Variants in ANKFN1 observed in about 807,000 individuals in gnomAD.
ANKFN1 encodes ankyrin repeat and fibronectin type-III domain-containing protein 1.
Under a neutral mutation model 108.7 loss-of-function variants are expected in ANKFN1, and 74 were observed. The ratio of observed to expected loss-of-function variants is 0.68; its 90% CI spans 0.56 to 0.83. ANKFN1 has a LOEUF of 0.83. Ranked by LOEUF, ANKFN1 falls within the 40% of genes least tolerant of loss-of-function variation. The pLI, the probability that ANKFN1 is intolerant of heterozygous loss-of-function variation, is 0.00. For synonymous variants in ANKFN1, 547 were observed against 516.2 expected (o/e 1.06, Z -0.81); for missense variants, 1,505 against 1,382.3 (o/e 1.09, Z -1.41).
intron 10 of ANKFN1, among the ~76,000 whole-genome samples, chr17:56,446,435 G>A (rs2145187927): frequency 6.6e-6 from 1 of 152,270 alleles, no homozygotes; most frequent in South Asian, 2.1e-4. Context: ...AATTCTGGGG[G>A]TGCTAAAAAT....
chr17:56,261,573 C>T (rs2043511601), intron 3 of ANKFN1, among the ~76,000 whole-genome samples: 2 of 151,860 alleles, frequency 1.3e-5, no homozygotes, highest in Non-Finnish European at 1.5e-5. Context: ...AGTAGGGAAG[C>T]CAACAGTGCA....
At chr17:56,293,983 TTC>T (rs755123441) in intron 3 of ANKFN1, among the ~76,000 whole-genome samples, 1 of 152,186 alleles carries the variant, frequency 6.6e-6, no homozygotes, top group Non-Finnish European at 1.5e-5. Flanking sequence ...ACCTGGCAGA[TTC>T]TCTCCGCAAA....
chr17:56,495,976 G>A (rs1331932609), intron 19 of ANKFN1, among the ~76,000 whole-genome samples: 1 of 152,082 alleles, frequency 6.6e-6, no homozygotes, highest in African/African-American at 2.4e-5. Context: ...AACAGACCTA[G>A]GGAATTCATG....
chr17:56,060,142 T>A (rs935989983), intron 4 of ANKFN1, among the ~76,000 whole-genome samples: 1 of 152,240 alleles, frequency 6.6e-6, no homozygotes, highest in Non-Finnish European at 1.5e-5. Flanking sequence ...AAGAGGTCCT[T>A]CACATTCCTT....
At chr17:56,277,113 A>T (rs1212637628) in intron 3 of ANKFN1, among the ~76,000 whole-genome samples, 1 of 152,240 alleles carries the variant, frequency 6.6e-6, no homozygotes, top group Non-Finnish European at 1.5e-5. Context: ...CCAAGCTCCC[A>T]CTACCATGTA....
intron 8 of ANKFN1, among the ~76,000 whole-genome samples, chr17:56,417,192 T>G (rs184649700): frequency 1.3e-5 from 2 of 152,248 alleles, no homozygotes; most frequent in Non-Finnish European, 2.9e-5. Flanking sequence ...TAATTTAATT[T>G]TATGTTTAAA....
chr17:56,127,212 T>C (rs952698262), intron 4 of ANKFN1, among the ~76,000 whole-genome samples: 4 of 152,200 alleles, frequency 2.6e-5, no homozygotes, highest in African/African-American at 7.2e-5. Flanking sequence ...ATAAGGAAAT[T>C]GAGGCTCAGG....
At chr17:56,498,097 C>T (rs1403912726) in intron 19 of ANKFN1, among the ~76,000 whole-genome samples, 1 of 151,818 alleles carries the variant, frequency 6.6e-6, no homozygotes, top group Non-Finnish European at 1.5e-5. Context: ...CTTTGATAAC[C>T]CAAAAATCAA....
intron 1 of ANKFN1, among the ~76,000 whole-genome samples, chr17:56,197,678 G>A (rs1454135094): frequency 4.6e-5 from 7 of 152,158 alleles, no homozygotes; most frequent in African/African-American, 7.2e-5. Flanking sequence ...CTCTGAAAAG[G>A]ACAAATCCCC....
intron 4 of ANKFN1, among the ~76,000 whole-genome samples, chr17:56,332,410 A>G (rs1343478212): frequency 6.6e-6 from 1 of 152,020 alleles, no homozygotes. Flanking sequence ...AACATTTTAT[A>G]GTTTTAGCTT....
chr17:56,338,357 T>G (rs1424671141), intron 4 of ANKFN1, among the ~76,000 whole-genome samples: 1 of 151,180 alleles, frequency 6.6e-6, no homozygotes, highest in Non-Finnish European at 1.5e-5. Flanking sequence ...ATGTAAATGA[T>G]GAGTTAATGG....
intron 1 of ANKFN1, among the ~76,000 whole-genome samples, chr17:56,158,797 T>G (rs992401244): frequency 3.3e-5 from 5 of 152,066 alleles, no homozygotes; most frequent in African/African-American, 1.2e-4. Flanking sequence ...TTTGGGGAAT[T>G]TTGATCTGCC....
intron 3 of ANKFN1, among the ~76,000 whole-genome samples, chr17:56,277,083 A>G (rs79427139): frequency 0.063 from 9,604 of 152,276 alleles, 1,020 homozygotes; most frequent in African/African-American, 0.22. Context: ...TAATGATATG[A>G]AATATAGAAG....
intron 4 of ANKFN1, among the ~76,000 whole-genome samples, chr17:56,127,033 A>T (rs1020022907): frequency 6.6e-6 from 1 of 152,208 alleles, no homozygotes; most frequent in East Asian, 1.9e-4. Context: ...ACTACCTCTT[A>T]AAAGGGGCAC....
intron 3 of ANKFN1, among the ~76,000 whole-genome samples, chr17:56,247,686 G>A (rs1000266548): frequency 1.3e-5 from 2 of 152,120 alleles, no homozygotes; most frequent in African/African-American, 4.8e-5. Context: ...ACTAGAAAAT[G>A]GAAGAACTAG....
intron 3 of ANKFN1, among the ~76,000 whole-genome samples, chr17:56,308,979 T>C (rs2044928683): frequency 6.6e-6 from 1 of 152,328 alleles, no homozygotes; most frequent in East Asian, 1.9e-4. Context: ...CTAATATTGG[T>C]TAATGATTTT....
chr17:56,173,764 A>G (rs1179841867), intron 1 of ANKFN1, among the ~76,000 whole-genome samples: 1 of 152,080 alleles, frequency 6.6e-6, no homozygotes, highest in African/African-American at 2.4e-5. Context: ...ACCCAGCCAG[A>G]TTTTTGTCCT....
At chr17:56,315,035 G>A (rs527392001) in intron 3 of ANKFN1, among the ~76,000 whole-genome samples, 1 of 152,210 alleles carries the variant, frequency 6.6e-6, no homozygotes, top group Non-Finnish European at 1.5e-5. Context: ...TCTTGTTCAG[G>A]TGCAAATGTG....
At chr17:56,461,505 C>T (rs569797296) in intron 14 of ANKFN1, among the ~76,000 whole-genome samples, 1 of 152,250 alleles carries the variant, frequency 6.6e-6, no homozygotes, top group African/African-American at 2.4e-5. Flanking sequence ...GCTTAGAATC[C>T]CCTTCTTTCC....
Sources: gnomAD v4.1 joint callset for allele counts (sites outside exome capture counted in the v4.1 genomes callset) on GRCh38, gnomAD v4.1.1 for gene constraint, MANE v1.5 for transcripts, NCBI Gene and HGNC (gene_info 2026-07-23, HGNC 2026-07-21) for gene names.